The following EP400 variants were observed in gnomAD, a reference collection of about 807,000 sequenced individuals.
The protein encoded by EP400 is E1A-binding protein p400.
In EP400, 105 loss-of-function variants were observed where a neutral mutation model predicts 354.1. The ratio of observed to expected loss-of-function variants is 0.30; its 90% CI spans 0.25 to 0.35. The LOEUF is 0.35. EP400 is among the 10% of genes least tolerant of loss of function. EP400 has a pLI of 1.00. For missense variants in EP400, 3,280 were observed against 4,121.0 expected (o/e 0.80, Z 5.59); for synonymous variants, 1,646 against 1,716.9 (o/e 0.96, Z 1.02).
In EP400 at chr12:132,018,369, G is replaced by A. The variant is rs1437286022; in HGVS notation, c.4270G>A (p.Ala1424Thr). 2 of 1,604,748 alleles carry A rather than the reference G, an allele frequency of 1.2e-6. No individual in the cohort carries two copies. The highest frequency in any genetic ancestry group is 1.7e-6 in the Non-Finnish European group (2 of 1,177,014). The change falls in exon 21 of 53, where the codon GCC (alanine) becomes ACC (threonine). Residue 1424 changes from alanine to threonine, a missense_variant. By Grantham distance (58) the Ala-to-Thr change is moderately conservative. Transcript: ENST00000389561. The surrounding 1 kb of genome is among the most constrained non-coding windows in gnomAD (Gnocchi z 4.0). ...AARPAAAKLK[A>T]SRLFQPVQYG... ...CCGACCAGCAGCAGCAAAGCTGAAG[G>A]CCAGCAGGTGCGTGCGACCCAGAGG...
In EP400 at chr12:132,080,303, G is replaced by C. The variant is rs993584663; in HGVS notation, c.*2630G>C. The C allele has an allele frequency of 6.6e-6, 1 of 152,554 alleles. No homozygotes were observed. Among genetic ancestry groups the C allele is most frequent in the Non-Finnish European group, 1.5e-5 (1 of 68,022 alleles). The allele number at this position is 152,554 out of a possible 1,614,324, so 9.5% of individuals were successfully genotyped here. A position where few individuals can be genotyped will look rare whatever the true frequency, so the allele number is the denominator to read the frequency against. Reference sequence around the variant, plus strand: ...CTTTATTATTATTATTTTGTTAACTGTTGTAACCAGTTAGCTGTTGTGTTT... The same window carrying C: ...CTTTATTATTATTATTTTGTTAACTCTTGTAACCAGTTAGCTGTTGTGTTT... On this transcript the variant is annotated 3_prime_UTR_variant, in exon 53 of 53. Coordinates refer to ENST00000389561, the MANE Select transcript of EP400 (RefSeq NM_015409.5).
chr12:132,044,899 C>T lies in EP400; in HGVS notation c.6730C>T (p.Leu2244=), dbSNP rs1368806163. 6 of 1,614,130 alleles carry T rather than the reference C, an allele frequency of 3.7e-6. No individual in the cohort carries two copies. Among genetic ancestry groups the T allele is most frequent in the Non-Finnish European group, 4.2e-6 (5 of 1,180,050 alleles). Residue 2244 remains leucine (L), a synonymous_variant, in exon 37 of 53, where the codon CTG becomes TTG. Coordinates refer to ENST00000389561, the MANE Select transcript of EP400 (RefSeq NM_015409.5). ...YEATPIPEAK[L]PPVYVRKERK... ...AGCCACTCCCATCCCAGAGGCTAAG[C>T]TGCCCCCTGTGTACGTGAGGAAGGA...
rs932469498 is a variant in EP400 at position 132,025,970 on chromosome 12, T to C, written c.5014+166T>C. On this transcript the variant is annotated intron_variant, in intron 25 of 52. Transcript: ENST00000389561. The surrounding 1 kb of genome is among the most constrained non-coding windows in gnomAD (Gnocchi z 4.1). ...GATGTGTCCTAGTGTCAGCCTGATT[T>C]ATTTTCTTTTTCTTGTGCTTTCAAA... Among the ~76,000 whole-genome samples, 1 of 152,264 alleles carries C rather than the reference T, an allele frequency of 6.6e-6. No homozygotes were observed. Among genetic ancestry groups the C allele is most frequent in the Non-Finnish European group, 1.5e-5 (1 of 68,050 alleles).
At chr12:131,983,906 CTT>C (rs1216458418) in intron 5 of EP400, among the ~76,000 whole-genome samples, 7 of 142,310 alleles carry the variant, frequency 4.9e-5, no homozygotes, top group Non-Finnish European at 3.1e-5. Context: ...AGTGCTTTTT[CTT>C]TTTTTTTTTT....
intron 52 of EP400, 37 bp downstream of exon 52, chr12:132,076,630 C>T (rs1275167386): frequency 6.4e-7 from 1 of 1,567,930 alleles, no homozygotes; most frequent in South Asian, 1.2e-5. Flanking sequence ...CTCACATTTC[C>T]CAGGTCAGAG....
rs142754867 is a variant in EP400, at chr12:132,050,345, G to A, written c.7223G>A (p.Arg2408His). The change falls in exon 40 of 53, where the codon CGT becomes CAT. Residue 2408 changes from arginine to histidine, a missense_variant. Arg to His is a conservative substitution (Grantham distance 29, BLOSUM62 0). Coordinates refer to ENST00000389561, the MANE Select transcript of EP400 (RefSeq NM_015409.5). This position sits in a 1 kb window ranked among gnomAD's most constrained non-coding sequence, Gnocchi z 4.8. ...EGKSKNNRPLRTSQIYAQDEN... is the reference protein window; with the variant it reads ...EGKSKNNRPLHTSQIYAQDEN... ...CAGAGTAAAAACAACCGTCCTCTCC[G>A]TACGAGCCAGATCTATGCCCAGGAT... 1.4e-5 allele frequency: 23 copies of A among 1,613,892 alleles called. No individual in the cohort carries two copies. Among genetic ancestry groups the A allele is most frequent in the Non-Finnish European group, 1.5e-5 (18 of 1,180,016 alleles).
At chr12:131,953,806 C>T (rs902774128) in intron 1 of EP400, among the ~76,000 whole-genome samples, 1 of 152,062 alleles carries the variant, frequency 6.6e-6, no homozygotes, top group Non-Finnish European at 1.5e-5. Context: ...CAAAGATACA[C>T]AGAGATTGAA....
chr12:132,073,964 T>C (rs1157937090), intron 51 of EP400, among the ~76,000 whole-genome samples: 2 of 117,154 alleles, frequency 1.7e-5, no homozygotes, highest in East Asian at 6.0e-4. Flanking sequence ...AGGCTCACTC[T>C]CCCATGCTGG....
At chr12:132,064,340 T>C (rs1276809298) in intron 47 of EP400, among the ~76,000 whole-genome samples, 1 of 152,234 alleles carries the variant, frequency 6.6e-6, no homozygotes, top group Non-Finnish European at 1.5e-5. Context: ...AAAAATTTTT[T>C]CTTAAAATGT....
chr12:131,958,633 G>C, intron 1 of EP400, among the ~76,000 whole-genome samples: 1 of 152,024 alleles, frequency 6.6e-6, no homozygotes, highest in Non-Finnish European at 1.5e-5. Flanking sequence ...GTCTCCTTTG[G>C]CCTCCTGAGT....
chr12:131,974,243 T>G (rs1366477221), intron 2 of EP400, among the ~76,000 whole-genome samples: 1 of 152,092 alleles, frequency 6.6e-6, no homozygotes, highest in Non-Finnish European at 1.5e-5. Context: ...CCTCCCAAAG[T>G]GCTGGGATTA....
At chr12:131,962,675 A>G (rs1286351830) in intron 2 of EP400, among the ~76,000 whole-genome samples, 2 of 152,226 alleles carry the variant, frequency 1.3e-5, no homozygotes, top group African/African-American at 2.4e-5. Flanking sequence ...GGAATGGCAC[A>G]TAATAAACCC....
chr12:132,026,627 A>G (rs909714567), intron 25 of EP400, among the ~76,000 whole-genome samples: 3 of 152,168 alleles, frequency 2.0e-5, no homozygotes, highest in Non-Finnish European at 2.9e-5. Context: ...TTCCAGAACC[A>G]GCTGCTGCAC....
intron 14 of EP400, 102 bp downstream of exon 14, chr12:132,006,404 C>A (rs916758393): frequency 7.4e-7 from 1 of 1,348,140 alleles, no homozygotes; most frequent in Non-Finnish European, 1.0e-6. Flanking sequence ...AATGGTCTAT[C>A]CCAACTGCAG....
chr12:132,012,684 C>T (rs1339801001), intron 16 of EP400, among the ~76,000 whole-genome samples: 1 of 152,166 alleles, frequency 6.6e-6, no homozygotes, highest in Non-Finnish European at 1.5e-5. Flanking sequence ...CACACTTCCC[C>T]TTGTTTTGAT....
Position 132,011,700 on chromosome 12 carries a change from A to G in EP400, c.3441+66A>G, listed in dbSNP as rs989269223. On this transcript the variant is annotated intron_variant, in intron 16 of 52. Transcript: ENST00000389561. ...CCATGTTAATTTTTATAAAAGACAC[A>G]TTAAAAAATGTGAAGACATGCTTAT... is the stretch of plus-strand genomic sequence containing the variant. 4.6e-6 allele frequency: 7 copies of G among 1,521,956 alleles called. No homozygotes were observed. In the East Asian group the frequency reaches 1.1e-4, roughly 25 times the overall value. 94.3% of individuals were successfully genotyped at this position (1,521,956 alleles called of 1,614,324 possible). A position where few individuals can be genotyped will look rare whatever the true frequency, so the allele number is the denominator to read the frequency against.
rs1441234338 is a variant in EP400, at chr12:132,067,866, G to T, written c.8874+380G>T. Among the ~76,000 whole-genome samples, 1 of 152,172 alleles carries T rather than the reference G, an allele frequency of 6.6e-6. No homozygotes were observed. The highest frequency in any genetic ancestry group is 1.9e-4 in the East Asian group (1 of 5,190). ...CACCACAGGACCCGCCTGGACTCCT[G>T]CTGGAGGACAGGGATGCCGTACAGT... On this transcript the variant is annotated intron_variant, in intron 50 of 52. Transcript: ENST00000389561. This position sits in a 1 kb window ranked among gnomAD's most constrained non-coding sequence, Gnocchi z 5.3.
chr12:131,976,318 T>G (rs1892470083), intron 2 of EP400, among the ~76,000 whole-genome samples: 1 of 152,168 alleles, frequency 6.6e-6, no homozygotes, highest in South Asian at 2.1e-4. Flanking sequence ...AAGTTTGAAT[T>G]GGATTTTGTA....
At position 131,950,283 on chromosome 12, in the gene EP400, G is replaced by C. The variant is rs971965781; in HGVS notation, c.-36+247G>C. 6.6e-5 allele frequency among the ~76,000 whole-genome samples: 10 copies of C among 152,196 alleles called. No homozygotes were observed. In the South Asian group the frequency reaches 1.0e-3, roughly 16 times the overall value. ...GTCCCCCGCAGGTCGCGCGATCCGC[G>C]CCCATTTCTCGTGGCCCCCCGGGCT... On this transcript the variant is annotated intron_variant, in intron 1 of 52. Transcript: ENST00000389561.
Sources: allele counts gnomAD v4.1 joint callset (sites outside exome capture counted in the v4.1 genomes callset), GRCh38; gene constraint gnomAD v4.1.1; non-coding constraint Gnocchi (gnomAD v3.1); transcripts MANE v1.5; gene names NCBI Gene and HGNC (gene_info 2026-07-23, HGNC 2026-07-21).